PPP1R12B: variants seen among roughly 807,000 people sequenced by gnomAD.
PPP1R12B encodes myosin phosphatase target subunit 2.
PPP1R12B carries 76 observed loss-of-function variants against 126.1 expected under a neutral mutation model. The ratio of observed to expected loss-of-function variants is 0.60; its 90% CI spans 0.50 to 0.73. PPP1R12B has a LOEUF of 0.73. Among genes scored for constraint, PPP1R12B ranks in the 30% least tolerant of loss-of-function variants. PPP1R12B has a pLI of 0.00. For missense variants in PPP1R12B, 1,052 were observed against 1,205.1 expected, an observed-to-expected ratio of 0.87 and a Z score of 1.88; for synonymous variants, 356 against 434.7, an observed-to-expected ratio of 0.82 and a Z score of 2.25.
chr1:202,506,742 G>T (rs1333153553), intron 18 of PPP1R12B, among the ~76,000 whole-genome samples: 1 of 152,032 alleles, frequency 6.6e-6, no homozygotes, highest in South Asian at 2.1e-4. Flanking sequence ...TTAAAACTCT[G>T]CTGGAGCTTT....
chr1:202,421,951 A>G (rs1448443894), intron 2 of PPP1R12B, among the ~76,000 whole-genome samples: 1 of 152,210 alleles, frequency 6.6e-6, no homozygotes, highest in Non-Finnish European at 1.5e-5. Context: ...CATGGTAATA[A>G]TACCCACATT....
chr1:202,510,221 T>C (rs536543849), intron 18 of PPP1R12B, among the ~76,000 whole-genome samples: 1 of 152,252 alleles, frequency 6.6e-6, no homozygotes, highest in African/African-American at 2.4e-5. Flanking sequence ...GTGTAGATAC[T>C]GATATCCAGC....
chr1:202,383,088 T>G (rs1662600260), intron 1 of PPP1R12B, among the ~76,000 whole-genome samples: 1 of 152,220 alleles, frequency 6.6e-6, no homozygotes, highest in African/African-American at 2.4e-5. Context: ...AAATTTCAAG[T>G]CAATTAAGTT....
chr1:202,378,438 C>G (rs752197309), intron 1 of PPP1R12B, among the ~76,000 whole-genome samples: 1 of 152,020 alleles, frequency 6.6e-6, no homozygotes, highest in Admixed American at 6.6e-5. Context: ...CAAAGGTCAT[C>G]GCAGACTTCC....
intron 20 of PPP1R12B, among the ~76,000 whole-genome samples, chr1:202,563,169 C>T (rs932119891): frequency 2.0e-5 from 3 of 152,158 alleles, no homozygotes; most frequent in Non-Finnish European, 4.4e-5. Flanking sequence ...CAGGCTAAAG[C>T]GCAGTGGTGC....
At chr1:202,526,575 G>T (rs1444276615) in intron 18 of PPP1R12B, among the ~76,000 whole-genome samples, 1 of 152,064 alleles carries the variant, frequency 6.6e-6, no homozygotes, top group Non-Finnish European at 1.5e-5. Flanking sequence ...GGAGAGTGAT[G>T]ATAATAATGA....
intron 1 of PPP1R12B, among the ~76,000 whole-genome samples, chr1:202,401,319 A>G (rs1665797422): frequency 6.9e-6 from 1 of 145,806 alleles, no homozygotes; most frequent in Admixed American, 6.9e-5. Context: ...CCTCCCGAGT[A>G]GCTAGGACTA....
chr1:202,433,181 A>G lies in PPP1R12B; in HGVS notation c.1142-1475A>G, dbSNP rs111867897. ...GAATTTATAAATGTTCATCTTTTTG[A>G]TATTTGATTATTTATTGAGTACTTA... On this transcript the variant is annotated intron_variant, in intron 8 of 23. Transcript: ENST00000608999. 5.8e-3 allele frequency among the ~76,000 whole-genome samples: 885 copies of G among 152,244 alleles called. 8 individuals carry two copies. Among genetic ancestry groups the G allele is most frequent in the African/African-American group, 0.02 (823 of 41,546 alleles).
chr1:202,442,258 A>T (rs1671721266), intron 11 of PPP1R12B, among the ~76,000 whole-genome samples, 189 bp from the exon 12 acceptor site: 2 of 152,250 alleles, frequency 1.3e-5, no homozygotes, highest in Admixed American at 6.5e-5. Flanking sequence ...TTCAAAGTTG[A>T]TAAAAGAAAG....
intron 13 of PPP1R12B, among the ~76,000 whole-genome samples, chr1:202,474,319 C>G (rs978457536): frequency 1.1e-4 from 16 of 151,712 alleles, no homozygotes; most frequent in African/African-American, 3.1e-4. Context: ...CAGAGTCCCA[C>G]TCTTGTCGCC....
rs1689824169 is a variant in PPP1R12B at position 202,586,553 on chromosome 1, C to T, written c.*5993C>T. On this transcript the variant is annotated 3_prime_UTR_variant, in exon 24 of 24. Coordinates refer to ENST00000608999, the MANE Select transcript of PPP1R12B (RefSeq NM_002481.4). ...GGGACAGCTATTGATCTTTTGTGTT[C>T]TGATTAGATTGGAAAATAGATCAAC... The T allele has an allele frequency of 1.3e-5, 2 of 152,160 alleles. No homozygotes were observed. The highest frequency in any genetic ancestry group is 4.1e-4 in the South Asian group (2 of 4,832). The allele number at this position is 152,160 out of a possible 1,614,324, so 9.4% of individuals were successfully genotyped here. A position where few individuals can be genotyped will look rare whatever the true frequency, so the allele number is the denominator to read the frequency against.
chr1:202,407,999 A>G (rs1384445410), intron 1 of PPP1R12B, among the ~76,000 whole-genome samples: 1 of 152,224 alleles, frequency 6.6e-6, no homozygotes, highest in Non-Finnish European at 1.5e-5. Flanking sequence ...CATTTTAAAT[A>G]ATCTAGAGAT....
At chr1:202,578,462 T>G (rs1689290501) in intron 23 of PPP1R12B, among the ~76,000 whole-genome samples, 1 of 152,178 alleles carries the variant, frequency 6.6e-6, no homozygotes, top group Admixed American at 6.5e-5. Context: ...GAAATGAGTT[T>G]CCAAGCATTC....
At chr1:202,353,063 A>C (rs1422987945) in intron 1 of PPP1R12B, among the ~76,000 whole-genome samples, 1 of 152,192 alleles carries the variant, frequency 6.6e-6, no homozygotes, top group Non-Finnish European at 1.5e-5. Context: ...CGTATTTCTC[A>C]GGAAGAGAGA....
At chr1:202,446,256 A>ATATATATATTTTTTTTTT (rs376183502) in intron 12 of PPP1R12B, among the ~76,000 whole-genome samples, 1 of 54,340 alleles carries the variant, frequency 1.8e-5, no homozygotes. Context: ...ATATATATAT[A>ATATATATATTTTTTTTTT]TTTTTTTTTT....
At chr1:202,380,575 G>T (rs1419665013) in intron 1 of PPP1R12B, among the ~76,000 whole-genome samples, 2 of 152,124 alleles carry the variant, frequency 1.3e-5, no homozygotes, top group Admixed American at 6.6e-5. Context: ...TGAGAGTAGA[G>T]CCCTGAAGCT....
At chr1:202,531,058 A>AC (rs1213605402) in intron 18 of PPP1R12B, among the ~76,000 whole-genome samples, 1 of 152,166 alleles carries the variant, frequency 6.6e-6, no homozygotes, top group Non-Finnish European at 1.5e-5. Context: ...CTTCTCCATC[A>AC]CCCCCAAAAG....
intron 20 of PPP1R12B, 56 bp from the exon 21 acceptor site, chr1:202,564,387 T>G: frequency 1.5e-6 from 2 of 1,316,090 alleles, no homozygotes; most frequent in Non-Finnish European, 2.2e-6. Context: ...TCTCATGTGA[T>G]GAAATGGTGT....
At position 202,495,646 on chromosome 1, in the gene PPP1R12B, A is replaced by C; in HGVS notation, c.2412A>C (p.Arg804=). The part of the protein sequence containing the change: ...SIRERRRPKE[R]RRGTGINFWT... ...GAGAGAGGAGGCGGCCCAAGGAACGACGAAGAGGCACAGGCATCAATTTCT... is the reference window on the plus strand; with the variant it reads ...GAGAGAGGAGGCGGCCCAAGGAACGCCGAAGAGGCACAGGCATCAATTTCT... Residue 804 remains arginine, a synonymous_variant, in exon 17 of 24, where the codon CGA becomes CGC. Coordinates refer to ENST00000608999, the MANE Select transcript of PPP1R12B (RefSeq NM_002481.4). 1 of 1,614,154 alleles carries C rather than the reference A, an allele frequency of 6.2e-7. No individual in the cohort carries two copies. The highest frequency in any genetic ancestry group is 8.5e-7 in the Non-Finnish European group (1 of 1,180,008).
Sources: gnomAD v4.1 joint callset for allele counts (sites outside exome capture counted in the v4.1 genomes callset) on GRCh38, gnomAD v4.1.1 for gene constraint, MANE v1.5 for transcripts, NCBI Gene and HGNC (gene_info 2026-07-23, HGNC 2026-07-21) for gene names.